Variants in TASP1 observed in about 807,000 individuals in gnomAD.
The protein encoded by TASP1 is taspase 1.
Under a neutral mutation model 56.6 loss-of-function variants are expected in TASP1, and 16 were observed. That is an observed-to-expected ratio of 0.28 (90% CI 0.19 to 0.43). The LOEUF (loss-of-function observed/expected upper bound fraction) is 0.43, where lower values mean the gene tolerates loss of function less well. Ranked by LOEUF, TASP1 falls within the 20% of genes least tolerant of loss-of-function variation. The probability of loss-of-function intolerance (pLI) is 1.00; values close to 1 mark genes in which losing one functional copy is unlikely to be tolerated. For missense variants in TASP1, 393 were observed against 511.6 expected (o/e 0.77, Z 2.24); for synonymous variants, 179 against 184.2 (o/e 0.97, Z 0.23).
At chr20:13,326,376 C>T in the TASP1 span, among the ~76,000 whole-genome samples, 2 of 151,826 alleles carry the variant, frequency 1.3e-5, no homozygotes, top group Admixed American at 6.6e-5. Context: ...TGTATATATT[C>T]GATTTAAGTA....
intron 10 of TASP1, among the ~76,000 whole-genome samples, chr20:13,519,093 C>T (rs950954230): frequency 2.0e-5 from 3 of 152,026 alleles, no homozygotes; most frequent in Non-Finnish European, 4.4e-5. Context: ...ACCAAATACC[C>T]TATATTCTCA....
At chr20:13,511,266 G>A (rs374850641) in intron 10 of TASP1, among the ~76,000 whole-genome samples, 1 of 151,722 alleles carries the variant, frequency 6.6e-6, no homozygotes, top group Admixed American at 6.6e-5. Flanking sequence ...AGTAGCCACT[G>A]GGCTATCAGC....
At chr20:13,405,993 G>A (rs1357432789) in intron 13 of TASP1, among the ~76,000 whole-genome samples, 1 of 152,174 alleles carries the variant, frequency 6.6e-6, no homozygotes, top group African/African-American at 2.4e-5. Flanking sequence ...CTGCAGAGCT[G>A]GACGGTATTC....
At chr20:13,405,870 A>G (rs1182960939) in intron 13 of TASP1, among the ~76,000 whole-genome samples, 3 of 152,062 alleles carry the variant, frequency 2.0e-5, no homozygotes, top group South Asian at 2.1e-4. Context: ...TCCTCCTGAG[A>G]CACAAATTTC....
rs747860079 is a variant in TASP1 at position 13,469,089 on chromosome 20, C to T, written c.985+14138G>A. Among the ~76,000 whole-genome samples, 9 of 152,176 alleles carry T rather than the reference C, an allele frequency of 5.9e-5. No individual in the cohort carries two copies. The South Asian group carries it at 1.0e-3, about 18-fold the overall frequency. ...GTAGCAAAACAATAGCTCTTTTTAA[C>T]GTAACGCAAGATTGTTTACAGAGTT... is the stretch of plus-strand genomic sequence containing the variant. On this transcript the variant is annotated intron_variant, in intron 11 of 13. Transcript: ENST00000337743.
At chr20:13,434,407 C>CA (rs1364110509) in intron 12 of TASP1, among the ~76,000 whole-genome samples, 1 of 152,148 alleles carries the variant, frequency 6.6e-6, no homozygotes, top group African/African-American at 2.4e-5. Flanking sequence ...TCTGTGCCTT[C>CA]ACAGAGGGTG....
chr20:13,511,212 T>A (rs1356339210), intron 10 of TASP1, among the ~76,000 whole-genome samples: 1 of 151,912 alleles, frequency 6.6e-6, no homozygotes, highest in Non-Finnish European at 1.5e-5. Flanking sequence ...ATTTTTTTTT[T>A]AATTCCTCTG....
the TASP1 span, among the ~76,000 whole-genome samples, chr20:13,144,674 C>A: frequency 1.3e-5 from 2 of 152,208 alleles, no homozygotes; most frequent in Non-Finnish European, 1.5e-5. Context: ...GAGGTACACA[C>A]CACAGTTACC....
At chr20:13,336,168 T>G in the TASP1 span, among the ~76,000 whole-genome samples, 1 of 152,176 alleles carries the variant, frequency 6.6e-6, no homozygotes, top group South Asian at 2.1e-4. Flanking sequence ...AGAATGAGTT[T>G]CAACCAGGGC....
intron 4 of TASP1, among the ~76,000 whole-genome samples, chr20:13,609,596 G>A (rs1376850542): frequency 6.6e-6 from 1 of 151,144 alleles, no homozygotes; most frequent in African/African-American, 2.4e-5. Context: ...GCTGAGGCAG[G>A]AGAATAGCTT....
At chr20:13,123,654 C>T in the TASP1 span, among the ~76,000 whole-genome samples, 11 of 152,176 alleles carry the variant, frequency 7.2e-5, no homozygotes, top group African/African-American at 2.4e-4. Context: ...TGGCTTCTCC[C>T]TCTCTTCCCA....
chr20:13,196,936 T>C, the TASP1 span, among the ~76,000 whole-genome samples: 1 of 152,166 alleles, frequency 6.6e-6, no homozygotes, highest in Non-Finnish European at 1.5e-5. Flanking sequence ...TATTGTAAGT[T>C]CCAGGCATCT....
chr20:13,303,204 A>C, the TASP1 span, among the ~76,000 whole-genome samples: 6 of 152,184 alleles, frequency 3.9e-5, no homozygotes, highest in Non-Finnish European at 7.4e-5. Context: ...CAGGCTCTTA[A>C]ACCTAACGCC....
At chr20:13,231,339 A>G in the TASP1 span, among the ~76,000 whole-genome samples, 1 of 152,250 alleles carries the variant, frequency 6.6e-6, no homozygotes, top group Non-Finnish European at 1.5e-5. Flanking sequence ...GCAGTCAGGA[A>G]GAGGGAAATT....
intron 2 of TASP1, among the ~76,000 whole-genome samples, chr20:13,627,038 G>A (rs1480917455): frequency 6.6e-6 from 1 of 151,880 alleles, no homozygotes; most frequent in East Asian, 1.9e-4. Context: ...TGTTTTGTTT[G>A]CACTGTGTTT....
At chr20:13,164,553 T>C in the TASP1 span, 153 of 588,238 alleles carry the variant, frequency 2.6e-4, no homozygotes, top group African/African-American at 2.7e-3. Context: ...GACCACTAAA[T>C]AAAATTAATT....
At chr20:13,188,458 C>T in the TASP1 span, among the ~76,000 whole-genome samples, 1 of 151,976 alleles carries the variant, frequency 6.6e-6, no homozygotes, top group African/African-American at 2.4e-5. Context: ...CAAAAATATA[C>T]TATCAATAAA....
At chr20:13,583,587 C>A (rs1208981859) in intron 5 of TASP1, among the ~76,000 whole-genome samples, 1 of 152,326 alleles carries the variant, frequency 6.6e-6, no homozygotes, top group Non-Finnish European at 1.5e-5. Flanking sequence ...CTTGGACAAA[C>A]TACTAAATCT....
At chr20:13,272,326 C>T in the TASP1 span, among the ~76,000 whole-genome samples, 26 of 152,262 alleles carry the variant, frequency 1.7e-4, no homozygotes, top group South Asian at 2.9e-3. Flanking sequence ...CATGGGAGCA[C>T]GCAAATCTCA....
Sources: allele counts gnomAD v4.1 joint callset (sites outside exome capture counted in the v4.1 genomes callset), GRCh38; gene constraint gnomAD v4.1.1; transcripts MANE v1.5; gene names NCBI Gene and HGNC (gene_info 2026-07-23, HGNC 2026-07-21).